WDR33: variants seen among roughly 807,000 people sequenced by gnomAD.
WDR33 encodes pre-mRNA 3' end processing protein WDR33.
Under a neutral mutation model 164.9 loss-of-function variants are expected in WDR33, and 47 were observed. The ratio of observed to expected loss-of-function variants is 0.29; its 90% CI spans 0.23 to 0.36. The LOEUF is 0.36. WDR33 is among the 10% of genes least tolerant of loss of function. The pLI is 1.00. For missense variants in WDR33, 1,137 were observed against 1,754.1 expected, an observed-to-expected ratio of 0.65 and a Z score of 6.28; for synonymous variants, 505 against 589.0, an observed-to-expected ratio of 0.86 and a Z score of 2.06.
Position 127,708,684 on chromosome 2 carries a change from T to C in WDR33, c.3774A>G (p.Gly1258=). The part of the protein sequence containing the change: ...EAPGGPSEDR[G]GKGRGGPGPA... ...CCACTGGCCTGCTCTTACCTTTGCC[T>C]CCTCGGTCTTCAGAAGGGCCTCCTG... The change falls in exon 21 of 22, where the codon GGA becomes GGG. Residue 1258 remains glycine (G), a synonymous_variant. Transcript: ENST00000322313. The surrounding 1 kb of genome is among the most constrained non-coding windows in gnomAD (Gnocchi z 6.7). 1 of 1,603,364 alleles carries C rather than the reference T, an allele frequency of 6.2e-7. No individual in the cohort carries two copies. The highest frequency in any genetic ancestry group is 1.1e-5 in the South Asian group (1 of 89,908).
intron 7 of WDR33, among the ~76,000 whole-genome samples, chr2:127,754,723 ACATTCTCTTATCTTTC>A (rs1333507838): frequency 4.6e-5 from 7 of 151,582 alleles, no homozygotes; most frequent in Admixed American, 4.0e-4. Context: ...GTGCCTGGCC[ACATTCTCTTATCTTTC>A]CACAGGAAAA....
Position 127,722,643 on chromosome 2 carries a change from A to G in WDR33, c.1466T>C (p.Val489Ala). The G allele has an allele frequency of 6.2e-7, 1 of 1,614,130 alleles. No individual in the cohort carries two copies. The highest frequency in any genetic ancestry group is 8.5e-7 in the Non-Finnish European group (1 of 1,180,000). The stretch of plus-strand genomic sequence containing the variant: ...TGCATAAGGAACTTTCTTCTGAGGT[A>G]CTTTTTTCTGATCCTTTTGCATCAC... ...EEVMQKDQKK[V>A]PQKKVPYAKP... Residue 489 changes from valine (V) to alanine (A), a missense_variant, in exon 14 of 22, where the codon GTA (valine) becomes GCA (alanine). Coordinates refer to ENST00000322313, the MANE Select transcript of WDR33 (RefSeq NM_018383.5). This position sits in a 1 kb window ranked among gnomAD's most constrained non-coding sequence, Gnocchi z 5.1.
chr2:127,724,594 G>T lies in WDR33; in HGVS notation c.1086-151C>A. ...GAATTCCACATGTCTCGGGGTATTG[G>T]CTTGTCATTGCCAAAGGACAGTTAC... On this transcript the variant is annotated intron_variant, in intron 10 of 21. Transcript: ENST00000322313. This position sits in a 1 kb window ranked among gnomAD's most constrained non-coding sequence, Gnocchi z 4.8. 1.4e-6 allele frequency: 1 copy of T among 711,700 alleles called. No individual in the cohort carries two copies. Among genetic ancestry groups the T allele is most frequent in the Non-Finnish European group, 2.4e-6 (1 of 421,824 alleles). The allele number at this position is 711,700 out of a possible 1,614,324, so 44.1% of individuals were successfully genotyped here.
chr2:127,703,630 A>G lies in WDR33; in HGVS notation c.*2693T>C, dbSNP rs896894840. 1.2e-5 allele frequency: 2 copies of G among 167,078 alleles called. No individual in the cohort carries two copies. The highest frequency in any genetic ancestry group is 2.9e-5 in the Non-Finnish European group (2 of 68,110). 10.3% of individuals were successfully genotyped at this position (167,078 alleles called of 1,614,324 possible). A position where few individuals can be genotyped will look rare whatever the true frequency, so the allele number is the denominator to read the frequency against. On this transcript the variant is annotated 3_prime_UTR_variant, in exon 22 of 22. Transcript: ENST00000322313. Reference sequence around the variant, plus strand: ...AGTAAACAAGGTTACCTACCTCAGGAGGCTGCTTGTGAGAGAGCAAATGCA... The same window carrying G: ...AGTAAACAAGGTTACCTACCTCAGGGGGCTGCTTGTGAGAGAGCAAATGCA...
intron 7 of WDR33, among the ~76,000 whole-genome samples, chr2:127,758,917 G>A (rs1040583372): frequency 1.4e-4 from 21 of 147,812 alleles, no homozygotes; most frequent in African/African-American, 4.6e-4. Flanking sequence ...TAGGATACTC[G>A]TTGTTTATTA....
At position 127,713,278 on chromosome 2, in the gene WDR33, C is replaced by T. The variant is rs73958203; in HGVS notation, c.3308+305G>A. ...TTTCCTTATTCTAATCAAGAAGAAC[C>T]TGGAAATTTTAAGTCAGATCCCAGC... On this transcript the variant is annotated intron_variant, in intron 18 of 21. Transcript: ENST00000322313. The surrounding 1 kb of genome is among the most constrained non-coding windows in gnomAD (Gnocchi z 6.2). Among the ~76,000 whole-genome samples the T allele has an allele frequency of 6.6e-6, 1 of 152,102 alleles. No individual in the cohort carries two copies. The highest frequency in any genetic ancestry group is 1.5e-5 in the Non-Finnish European group (1 of 68,024).
chr2:127,766,384 TG>T (rs960521252), intron 4 of WDR33, among the ~76,000 whole-genome samples: 20 of 152,228 alleles, frequency 1.3e-4, no homozygotes, highest in African/African-American at 4.6e-4. Context: ...ATTGCTTACC[TG>T]TAAGTCACAG....
At chr2:127,792,419 G>A (rs1350797306) in intron 1 of WDR33, among the ~76,000 whole-genome samples, 1 of 151,952 alleles carries the variant, frequency 6.6e-6, no homozygotes, top group Non-Finnish European at 1.5e-5. Context: ...CCAGCACTTT[G>A]GGAGGCTGAG....
Position 127,702,452 on chromosome 2 carries a change from G to T in WDR33, c.*3871C>A, listed in dbSNP as rs1573868990. On this transcript the variant is annotated 3_prime_UTR_variant, in exon 22 of 22. Coordinates refer to ENST00000322313, the MANE Select transcript of WDR33 (RefSeq NM_018383.5). ...GTGACAGGATGTGAGACGGTTATTA[G>T]AAGTTGCTTTCGAAGTAACTGTGGT... The T allele has an allele frequency of 4.0e-6, 1 of 252,608 alleles. No individual in the cohort carries two copies. Among genetic ancestry groups the T allele is most frequent in the African/African-American group, 2.3e-5 (1 of 43,886 alleles). 15.6% of individuals were successfully genotyped at this position (252,608 alleles called of 1,614,324 possible). A position where few individuals can be genotyped will look rare whatever the true frequency, so the allele number is the denominator to read the frequency against.
intron 1 of WDR33, among the ~76,000 whole-genome samples, chr2:127,803,234 C>G (rs977274280): frequency 2.6e-5 from 4 of 152,124 alleles, no homozygotes; most frequent in Non-Finnish European, 5.9e-5. Flanking sequence ...AAATCTGACT[C>G]TGTTTTCTGT....
rs925616122 is a variant in WDR33, at chr2:127,765,104, A to G, written c.474+70T>C. On this transcript the variant is annotated intron_variant, in intron 5 of 21. Coordinates refer to ENST00000322313, the MANE Select transcript of WDR33 (RefSeq NM_018383.5). The stretch of plus-strand genomic sequence containing the variant: ...CCCAATTCTAAGTTTAACAATGCCA[A>G]TGAAATGACTATATCTCAAGTTCTT... The G allele has an allele frequency of 3.8e-6, 6 of 1,561,394 alleles. No individual in the cohort carries two copies. The African/African-American group carries it at 4.1e-5, about 11-fold the overall frequency.
chr2:127,756,144 G>A (rs929626655), intron 7 of WDR33, among the ~76,000 whole-genome samples: 5 of 152,002 alleles, frequency 3.3e-5, no homozygotes, highest in African/African-American at 4.8e-5. Context: ...GACCAGCCTG[G>A]CTGACATGGT....
In WDR33 at chr2:127,718,325, CTGACTCGCTCACTT is replaced by C. The variant is rs1388203430; in HGVS notation, c.2760+926_2760+939del. Among the ~76,000 whole-genome samples the C allele has an allele frequency of 1.3e-5, 2 of 152,068 alleles. No individual in the cohort carries two copies. The highest frequency in any genetic ancestry group is 2.9e-5 in the Non-Finnish European group (2 of 68,010). On this transcript the variant is annotated intron_variant, in intron 16 of 21. Transcript: ENST00000322313. The surrounding 1 kb of genome is among the most constrained non-coding windows in gnomAD (Gnocchi z 4.4). ...AAGTGTCTCAGGGAGTCAACATTAG[CTGACTCGCTCACTT>C]TTGGTCCACACTGGACCAAAAGTGA... is the stretch of plus-strand genomic sequence containing the variant.
At chr2:127,787,654 G>A (rs1573461097) in intron 1 of WDR33, among the ~76,000 whole-genome samples, 1 of 105,746 alleles carries the variant, frequency 9.5e-6, no homozygotes, top group Admixed American at 8.2e-5. Context: ...GCGGCTGGCC[G>A]GGCGGAGGGC....
chr2:127,788,588 T>C (rs1688710699), intron 1 of WDR33, among the ~76,000 whole-genome samples: 1 of 122,840 alleles, frequency 8.1e-6, no homozygotes, highest in Non-Finnish European at 1.7e-5. Context: ...CACTTCCCAG[T>C]AGGGGCGGCC....
rs1573878177 is a variant in WDR33, at chr2:127,712,123, C to T, written c.3308+1460G>A. Among the ~76,000 whole-genome samples the T allele has an allele frequency of 6.6e-6, 1 of 152,146 alleles. No homozygotes were observed. The highest frequency in any genetic ancestry group is 1.5e-5 in the Non-Finnish European group (1 of 67,988). On this transcript the variant is annotated intron_variant, in intron 18 of 21. Coordinates refer to ENST00000322313, the MANE Select transcript of WDR33 (RefSeq NM_018383.5). The surrounding 1 kb of genome is among the most constrained non-coding windows in gnomAD (Gnocchi z 4.0). ...AGAAATGGAATGAAAGGACCAGGCG[C>T]AGTGGCTCACGCCTATAATCCCTGC...
chr2:127,737,909 A>G, intron 7 of WDR33: 9 of 1,542,958 alleles, frequency 5.8e-6, no homozygotes, highest in Non-Finnish European at 6.1e-6. Context: ...CACAGCATCA[A>G]CTGTAATTTG....
chr2:127,769,519 A>G lies in WDR33; in HGVS notation c.205-518T>C, dbSNP rs537095708. 2.0e-5 allele frequency among the ~76,000 whole-genome samples: 3 copies of G among 152,284 alleles called. No individual in the cohort carries two copies. The East Asian group carries it at 5.8e-4, about 29-fold the overall frequency. On this transcript the variant is annotated intron_variant, in intron 2 of 21. Coordinates refer to ENST00000322313, the MANE Select transcript of WDR33 (RefSeq NM_018383.5). ...CTCATCCAAGATACTGTCGACTCCAACACAGTCTCCCTGATGCTACCTTAA... is the reference window on the plus strand; with the variant it reads ...CTCATCCAAGATACTGTCGACTCCAGCACAGTCTCCCTGATGCTACCTTAA...
chr2:127,795,177 T>C (rs976880282), intron 1 of WDR33, among the ~76,000 whole-genome samples: 1 of 150,002 alleles, frequency 6.7e-6, no homozygotes, highest in Non-Finnish European at 1.5e-5. Context: ...CTCGGCTTAC[T>C]GCAACCTCTG....
Sources: gnomAD v4.1 joint callset for allele counts (sites outside exome capture counted in the v4.1 genomes callset) on GRCh38, gnomAD v4.1.1 for gene constraint, Gnocchi (gnomAD v3.1) non-coding constraint, MANE v1.5 for transcripts, NCBI Gene and HGNC (gene_info 2026-07-23, HGNC 2026-07-21) for gene names.